Variants in ATE1 observed in about 807,000 individuals in gnomAD.
ATE1 encodes the protein arginyltransferase 1, also known as arginyl-tRNA--protein transferase 1.
A neutral mutation model predicts 70.5 loss-of-function variants in ATE1; 36 were observed. The ratio of observed to expected loss-of-function variants is 0.51; its 90% CI spans 0.39 to 0.67. The LOEUF is 0.67. Ranked by LOEUF, ATE1 falls within the 30% of genes least tolerant of loss-of-function variation. The pLI is 0.00. For missense variants in ATE1, 593 were observed against 629.5 expected, an observed-to-expected ratio of 0.94 and a Z score of 0.62; for synonymous variants, 232 against 219.3, an observed-to-expected ratio of 1.06 and a Z score of -0.51.
rs192080440 is a variant in ATE1 at position 121,893,165 on chromosome 10, T to C, written c.942+6701A>G. 1.6e-3 allele frequency among the ~76,000 whole-genome samples: 235 copies of C among 151,344 alleles called. 1 individual carries two copies. Among genetic ancestry groups the C allele is most frequent in the African/African-American group, 5.4e-3 (222 of 41,198 alleles). On this transcript the variant is annotated intron_variant, in intron 7 of 11. Coordinates refer to ENST00000224652, the MANE Select transcript of ATE1 (RefSeq NM_001001976.3). ...GGTGGCACACACATGTAGTCCCAGC[T>C]ACTCGGGAGGCTAAGGCAGGAGAAT...
At chr10:121,832,415 G>T (rs76323654) in intron 10 of ATE1, among the ~76,000 whole-genome samples, 2,153 of 152,280 alleles carry the variant, frequency 0.014, 44 homozygotes, top group African/African-American at 0.049. Context: ...ACAGAGCTCA[G>T]CGTCTGATAT....
intron 10 of ATE1, among the ~76,000 whole-genome samples, chr10:121,827,195 G>A (rs971141516): frequency 4.6e-5 from 7 of 152,060 alleles, no homozygotes; most frequent in Admixed American, 2.6e-4. Flanking sequence ...TGTACTTTTA[G>A]TAGAGACGGG....
chr10:121,798,627 C>T (rs1169428781), intron 10 of ATE1, among the ~76,000 whole-genome samples: 1 of 152,186 alleles, frequency 6.6e-6, no homozygotes, highest in Non-Finnish European at 1.5e-5. Context: ...AGGCCGGGTG[C>T]AGTGGCTCAC....
intron 8 of ATE1, among the ~76,000 whole-genome samples, chr10:121,854,077 A>T (rs1014334349): frequency 6.6e-6 from 1 of 152,196 alleles, no homozygotes; most frequent in African/African-American, 2.4e-5. Flanking sequence ...AGACTACAGC[A>T]CTGGGTATTC....
intron 7 of ATE1, among the ~76,000 whole-genome samples, chr10:121,872,383 AG>A (rs754697719): frequency 3.9e-5 from 6 of 152,234 alleles, no homozygotes; most frequent in Non-Finnish European, 7.3e-5. Context: ...ATTAAGTAAA[AG>A]TTTTCAATCC....
chr10:121,906,925 G>A (rs1032442243), intron 5 of ATE1, among the ~76,000 whole-genome samples: 8 of 151,874 alleles, frequency 5.3e-5, no homozygotes, highest in South Asian at 2.1e-4. Context: ...AAATAGTCTC[G>A]GATTTTTAGT....
intron 11 of ATE1, among the ~76,000 whole-genome samples, chr10:121,745,705 C>G (rs552166181): frequency 6.7e-6 from 1 of 149,834 alleles, no homozygotes; most frequent in Non-Finnish European, 1.5e-5. Flanking sequence ...CCAGCCTGGG[C>G]GACAGAGCAA....
rs112536355 is a variant in ATE1, at chr10:121,833,079, T to C, written c.1257+3639A>G. ...CTGTCTAATTTCTACATTACTCCCA[T>C]TTACAGTTGCAAAAACTGAGACCAG... On this transcript the variant is annotated intron_variant, in intron 10 of 11. Transcript: ENST00000224652. 1.6e-3 allele frequency among the ~76,000 whole-genome samples: 239 copies of C among 152,278 alleles called. 1 individual carries two copies. Among genetic ancestry groups the C allele is most frequent in the African/African-American group, 5.4e-3 (226 of 41,562 alleles).
intron 7 of ATE1, among the ~76,000 whole-genome samples, chr10:121,874,320 G>A (rs975951609): frequency 2.6e-5 from 4 of 152,148 alleles, no homozygotes; most frequent in Non-Finnish European, 5.9e-5. Context: ...GTGCAAACTA[G>A]GTTTTATGTA....
intron 10 of ATE1, among the ~76,000 whole-genome samples, chr10:121,836,017 C>T (rs116369704): frequency 2.6e-5 from 4 of 152,224 alleles, no homozygotes; most frequent in African/African-American, 9.6e-5. Flanking sequence ...CTTAGCCTGG[C>T]CTTCAGGGTC....
intron 11 of ATE1, among the ~76,000 whole-genome samples, chr10:121,780,882 A>G (rs1307238260): frequency 2.6e-5 from 4 of 152,058 alleles, no homozygotes; most frequent in Non-Finnish European, 5.9e-5. Flanking sequence ...TACTTGTCAC[A>G]CTTATCTGAG....
chr10:121,821,475 G>A (rs1280020184), intron 10 of ATE1, among the ~76,000 whole-genome samples: 3 of 152,196 alleles, frequency 2.0e-5, no homozygotes, highest in Non-Finnish European at 4.4e-5. Flanking sequence ...AGACAACTAA[G>A]ACAGACAACC....
chr10:121,787,971 T>C (rs948887044), intron 11 of ATE1, among the ~76,000 whole-genome samples: 1 of 152,180 alleles, frequency 6.6e-6, no homozygotes, highest in African/African-American at 2.4e-5. Flanking sequence ...GGTGAAGCTA[T>C]CGTAAGTTGG....
rs532421014 is a variant in ATE1, at chr10:121,779,986, C to G, written c.1378+10183G>C. Among the ~76,000 whole-genome samples the G allele has an allele frequency of 2.0e-5, 3 of 152,322 alleles. No homozygotes were observed. The East Asian group carries it at 5.8e-4, about 29-fold the overall frequency. ...TCTGGCCTCCAATGGAATTCTTCAT[C>G]TGCTCAGTCATTATATGCTGGGCCC... On this transcript the variant is annotated intron_variant, in intron 11 of 11. Transcript: ENST00000224652.
At chr10:121,816,700 A>G (rs972414775) in intron 10 of ATE1, among the ~76,000 whole-genome samples, 1 of 152,352 alleles carries the variant, frequency 6.6e-6, no homozygotes, top group Non-Finnish European at 1.5e-5. Flanking sequence ...ACTGTGAGAA[A>G]TAAAAATCTG....
intron 11 of ATE1, among the ~76,000 whole-genome samples, chr10:121,746,061 C>T (rs1010486357): frequency 1.3e-5 from 2 of 152,108 alleles, no homozygotes; most frequent in Admixed American, 6.5e-5. Context: ...CTTCCCTTTG[C>T]GCAGAATTAC....
Position 121,848,319 on chromosome 10 carries a change from A to ATTC in ATE1, c.976-7057_976-7056insGAA, listed in dbSNP as rs1564891925. 4.4e-4 allele frequency among the ~76,000 whole-genome samples: 53 copies of ATTC among 119,880 alleles called. No homozygotes were observed. In the South Asian group the frequency reaches 4.9e-3, roughly 11 times the overall value. 78.6% of individuals were successfully genotyped at this position (119,880 alleles called of 152,430 possible). On this transcript the variant is annotated intron_variant, in intron 8 of 11. Coordinates refer to ENST00000224652, the MANE Select transcript of ATE1 (RefSeq NM_001001976.3). ...TCATTCATTCATTCATTCATTCATT[A>ATTC]AAAAACTTATTTATCGGCTGGGTGT...
At chr10:121,899,535 C>T (rs112088739) in intron 7 of ATE1, among the ~76,000 whole-genome samples, 31 of 152,232 alleles carry the variant, frequency 2.0e-4, no homozygotes, top group African/African-American at 7.5e-4. Context: ...TACGTATCTA[C>T]CATAAAAATA....
At chr10:121,832,533 T>C (rs1430835691) in intron 10 of ATE1, among the ~76,000 whole-genome samples, 1 of 128,870 alleles carries the variant, frequency 7.8e-6, no homozygotes, top group African/African-American at 4.9e-5. Context: ...AAGGGGGTGG[T>C]TCCCCCCATA....
Sources: gnomAD v4.1 joint callset for allele counts (sites outside exome capture counted in the v4.1 genomes callset) on GRCh38, gnomAD v4.1.1 for gene constraint, MANE v1.5 for transcripts, NCBI Gene and HGNC (gene_info 2026-07-23, HGNC 2026-07-21) for gene names.